Variants in ZNG1B observed in about 807,000 individuals in gnomAD.
The protein encoded by ZNG1B is zinc-regulated GTPase metalloprotein activator 1B.
chr2:113,487,810 G>A, the ZNG1B span, among the ~76,000 whole-genome samples: 1 of 150,868 alleles, frequency 6.6e-6, no homozygotes, highest in East Asian at 1.9e-4. Context: ...TGTCTTGACT[G>A]CTGTGACAAA....
the ZNG1B span, among the ~76,000 whole-genome samples, chr2:113,475,712 T>C: frequency 6.6e-6 from 1 of 152,058 alleles, no homozygotes; most frequent in African/African-American, 2.4e-5. Flanking sequence ...CAGCATTTGC[T>C]TGTCTGTAAA....
the ZNG1B span, among the ~76,000 whole-genome samples, chr2:113,487,289 T>C: frequency 6.6e-6 from 1 of 151,996 alleles, no homozygotes; most frequent in African/African-American, 2.4e-5. Flanking sequence ...TCTAGGTTTG[T>C]GTAAGTACAC....
chr2:113,473,292 G>A, the ZNG1B span, among the ~76,000 whole-genome samples: 1 of 148,594 alleles, frequency 6.7e-6, no homozygotes, highest in African/African-American at 2.5e-5. Flanking sequence ...CTGTTTGTCT[G>A]TTGTTGGTGT....
At chr2:113,444,977 A>C in the ZNG1B span, 1 of 1,610,598 alleles carries the variant, frequency 6.2e-7, no homozygotes, top group East Asian at 2.2e-5. Flanking sequence ...CAATGGCCTT[A>C]GAGCTATTGA....
chr2:113,495,387 A>G, the ZNG1B span: 15 of 917,584 alleles, frequency 1.6e-5, 2 homozygotes, highest in African/African-American at 2.5e-4. Flanking sequence ...TTTCATCTTT[A>G]TCACGTTACA....
the ZNG1B span, among the ~76,000 whole-genome samples, chr2:113,486,715 C>T: frequency 1.3e-5 from 2 of 152,162 alleles, no homozygotes; most frequent in African/African-American, 4.8e-5. Context: ...ATGATTGTGC[C>T]ACTCTACTCC....
the ZNG1B span, among the ~76,000 whole-genome samples, chr2:113,457,811 A>G: frequency 7.1e-6 from 1 of 141,652 alleles, no homozygotes; most frequent in Non-Finnish European, 1.5e-5. Flanking sequence ...TCAAGTATAC[A>G]ATAGAATTAA....
chr2:113,495,690 G>A, the ZNG1B span: 3 of 966,860 alleles, frequency 3.1e-6, no homozygotes, highest in Non-Finnish European at 4.3e-6. Context: ...TACTGTGACA[G>A]AAACAGAAAA....
At chr2:113,474,384 CTTT>C in the ZNG1B span, among the ~76,000 whole-genome samples, 1 of 148,396 alleles carries the variant, frequency 6.7e-6, no homozygotes, top group African/African-American at 2.5e-5. Flanking sequence ...CTCTTTTTTT[CTTT>C]ATTAGTCTTG....
At chr2:113,439,763 GT>G in the ZNG1B span, among the ~76,000 whole-genome samples, 1 of 151,122 alleles carries the variant, frequency 6.6e-6, no homozygotes, top group African/African-American at 2.4e-5. Flanking sequence ...CTGGCTAGAT[GT>G]CCCTCTTAGG....
the ZNG1B span, chr2:113,470,806 T>C: frequency 1.1e-4 from 66 of 585,722 alleles, no homozygotes; most frequent in Non-Finnish European, 1.6e-4. Context: ...AGCTCATAAA[T>C]TTCAGGATTG....
chr2:113,476,367 T>G, the ZNG1B span, among the ~76,000 whole-genome samples: 1 of 150,890 alleles, frequency 6.6e-6, no homozygotes, highest in Non-Finnish European at 1.5e-5. Context: ...TTCTCTGTAT[T>G]GGTTATTCTA....
chr2:113,466,864 A>T, the ZNG1B span: 6 of 943,806 alleles, frequency 6.4e-6, no homozygotes, highest in African/African-American at 1.8e-5. Flanking sequence ...GGAGATGGAG[A>T]CCATCCTGGC....
chr2:113,460,607 C>A, the ZNG1B span: 27 of 1,454,622 alleles, frequency 1.9e-5, no homozygotes, highest in Middle Eastern at 2.4e-4. Flanking sequence ...AAAGTAAAAT[C>A]CTTTGTGTTG....
At chr2:113,495,235 G>A in the ZNG1B span, 14 of 1,512,178 alleles carry the variant, frequency 9.3e-6, 3 homozygotes, top group East Asian at 1.8e-4. Flanking sequence ...AGAACAAATC[G>A]ATTGGTCCTC....
chr2:113,474,263 G>A, the ZNG1B span, among the ~76,000 whole-genome samples: 1,012 of 151,726 alleles, frequency 6.7e-3, 3 homozygotes, highest in Non-Finnish European at 0.012. Flanking sequence ...AGATTTTCTA[G>A]TTTATTTGCG....
the ZNG1B span, chr2:113,438,949 T>C: frequency 1.3e-6 from 2 of 1,530,182 alleles, no homozygotes; most frequent in Non-Finnish European, 8.8e-7. Context: ...CTTTGTAGAC[T>C]GTAAGTTTAT....
At chr2:113,439,842 A>G in the ZNG1B span, among the ~76,000 whole-genome samples, 2 of 135,496 alleles carry the variant, frequency 1.5e-5, no homozygotes, top group Non-Finnish European at 3.2e-5. Flanking sequence ...CTCCTTATTC[A>G]CTGAATTCCC....
the ZNG1B span, among the ~76,000 whole-genome samples, chr2:113,464,902 T>C: frequency 6.6e-6 from 1 of 152,164 alleles, no homozygotes; most frequent in African/African-American, 2.4e-5. Context: ...TTTTTGCATA[T>C]ACGTTTTATT....
Sources: allele counts gnomAD v4.1 joint callset (sites outside exome capture counted in the v4.1 genomes callset), GRCh38; gene constraint gnomAD v4.1.1; transcripts MANE v1.5; gene names NCBI Gene and HGNC (gene_info 2026-07-23, HGNC 2026-07-21).